The following SMIM7 variants were observed in gnomAD, a reference collection of about 807,000 sequenced individuals.
SMIM7 encodes the protein small integral membrane protein 7.
Under a neutral mutation model 13.3 loss-of-function variants are expected in SMIM7, and 12 were observed. That is an observed-to-expected ratio of 0.90 (90% CI 0.58 to 1.46). The LOEUF (loss-of-function observed/expected upper bound fraction) is 1.46. Ranked by LOEUF, SMIM7 falls within the 40% of genes most tolerant of loss-of-function variation. The probability of loss-of-function intolerance (pLI) is 0.00; values close to 1 mark genes in which losing one functional copy is unlikely to be tolerated. For synonymous variants in SMIM7, 36 were observed against 35.8 expected (o/e 1.01, Z -0.02); for missense variants, 114 against 94.8 (o/e 1.20, Z -0.84).
At chr19:16,645,998 A>G (rs2086445940), downstream of SMIM7, 1 of 152,040 alleles carries the variant, frequency 6.6e-6, no homozygotes, top group South Asian at 2.1e-4. Flanking sequence ...TTATTGAGCT[A>G]AATCCAAAAA....
At chr19:16,657,994 C>T (rs551400267) in intron 3 of SMIM7, among the ~76,000 whole-genome samples, 9 of 152,332 alleles carry the variant, frequency 5.9e-5, no homozygotes, top group East Asian at 3.9e-4. Flanking sequence ...ATGACTGTGC[C>T]GCTGCACTCC....
downstream of SMIM7, among the ~76,000 whole-genome samples, chr19:16,642,472 C>T (rs888351012): frequency 4.6e-5 from 7 of 152,216 alleles, no homozygotes; most frequent in Middle Eastern, 3.4e-3. Flanking sequence ...ATTGCTTGAA[C>T]CTGGGAGGTG....
intron 2 of SMIM7, chr19:16,659,666 A>G (rs1020735614): frequency 1.5e-5 from 10 of 656,466 alleles, no homozygotes; most frequent in Non-Finnish European, 2.4e-5. Context: ...GTGGCCCGAC[A>G]GTGCGGGTGC....
At chr19:16,659,306 AGAAAG>A in intron 3 of SMIM7, 84 bp downstream of exon 3, 1 of 852,150 alleles carries the variant, frequency 1.2e-6, no homozygotes. Context: ...AAAAAAAAAG[AGAAAG>A]AAAGAAAACG....
chr19:16,647,328 C>A lies in SMIM7; in HGVS notation c.213-67G>T, dbSNP rs8103249. On this transcript the variant is annotated intron_variant, in intron 4 of 4. Transcript: ENST00000487416. ...GTGACTGTTCTAAAAATATTGTCAG[C>A]GATTATTTTACATGACTATTACCTA... The A allele has an allele frequency of 1.1e-5, 18 of 1,581,144 alleles. No homozygotes were observed. In the East Asian group the frequency reaches 3.6e-4, roughly 31 times the overall value.
At chr19:16,649,631 T>C (rs900316504) in intron 4 of SMIM7, among the ~76,000 whole-genome samples, 3 of 152,180 alleles carry the variant, frequency 2.0e-5, no homozygotes, top group South Asian at 2.1e-4. Context: ...TTCACTCCTA[T>C]ATAGCTCATA....
In SMIM7 at chr19:16,647,689, C is replaced by T. The variant is rs573577214; in HGVS notation, c.213-428G>A. On this transcript the variant is annotated intron_variant, in intron 4 of 4. Coordinates refer to ENST00000487416, the MANE Select transcript of SMIM7 (RefSeq NM_024104.4). ...TGGGCTGGTTTCGAACTCCTGACCT[C>T]AAGTGATCCACCCGCCTCAGCCTCC... Among the ~76,000 whole-genome samples the T allele has an allele frequency of 5.3e-5, 8 of 152,166 alleles. No individual in the cohort carries two copies. The East Asian group carries it at 1.4e-3, about 26-fold the overall frequency.
In SMIM7 at chr19:16,638,310, T is replaced by C. The variant is rs569356696; in HGVS notation, c.*138-6586A>G. Among the ~76,000 whole-genome samples, 4 of 149,018 alleles carry C rather than the reference T, an allele frequency of 2.7e-5. No individual in the cohort carries two copies. In the East Asian group the frequency reaches 7.8e-4, roughly 29 times the overall value. The stretch of plus-strand genomic sequence containing the variant: ...ACCTCTTTTCTTTTTTCTTTTTTTT[T>C]TTTTTTTTTTGAGACAGAGCTTCAC... On this transcript the variant is annotated intron_variant and NMD_transcript_variant, in intron 4 of 4. Coordinates refer to the SMIM7 transcript ENST00000465250.
intron 3 of SMIM7, among the ~76,000 whole-genome samples, chr19:16,656,862 G>A (rs1265776948): frequency 6.6e-6 from 1 of 151,618 alleles, no homozygotes; most frequent in Non-Finnish European, 1.5e-5. Context: ...TGGTGCCACT[G>A]CACTCCAGCC....
intron 4 of SMIM7, chr19:16,633,830 T>C (rs2086339228): frequency 6.6e-6 from 1 of 152,200 alleles, no homozygotes; most frequent in African/African-American, 2.4e-5. Context: ...TTTATTAAAA[T>C]ATACATACTT....
chr19:16,643,578 G>A (rs2086420700), downstream of SMIM7, among the ~76,000 whole-genome samples: 1 of 152,066 alleles, frequency 6.6e-6, no homozygotes. Flanking sequence ...TGTATGTTTA[G>A]TAGAGATAGG....
chr19:16,638,460 T>A (rs1470465437), intron 4 of SMIM7, among the ~76,000 whole-genome samples: 1 of 151,478 alleles, frequency 6.6e-6, no homozygotes, highest in Non-Finnish European at 1.5e-5. Context: ...CCCGCCACCA[T>A]GCCCGGCTAA....
At chr19:16,640,228 C>T (rs2086395336) in intron 4 of SMIM7, 1 of 152,240 alleles carries the variant, frequency 6.6e-6, no homozygotes, top group African/African-American at 2.4e-5. Flanking sequence ...AGGTACGTGC[C>T]ACCACGCCTG....
chr19:16,655,925 C>A (rs1205209494), intron 3 of SMIM7, among the ~76,000 whole-genome samples: 1 of 152,202 alleles, frequency 6.6e-6, no homozygotes, highest in African/African-American at 2.4e-5. Flanking sequence ...CAGGATTAGT[C>A]ACGTGCAGCA....
intron 4 of SMIM7, chr19:16,638,952 A>G (rs558581452): frequency 2.3e-4 from 35 of 152,308 alleles, no homozygotes; most frequent in Non-Finnish European, 3.7e-4. Flanking sequence ...CTTCTTTCTC[A>G]TGCACACAAT....
chr19:16,655,186 G>C (rs1318168519), intron 3 of SMIM7: 2 of 374,712 alleles, frequency 5.3e-6, no homozygotes, highest in African/African-American at 4.2e-5. Flanking sequence ...GTAACTGAAA[G>C]CATCCTAATT....
chr19:16,643,530 G>A (rs1328794765), downstream of SMIM7, among the ~76,000 whole-genome samples: 1 of 152,126 alleles, frequency 6.6e-6, no homozygotes, highest in African/African-American at 2.4e-5. Context: ...CTGAGTAGCT[G>A]GGACTACAGG....
rs551995968 is a variant in SMIM7 at position 16,650,674 on chromosome 19, C to T, written c.212+3361G>A. On this transcript the variant is annotated intron_variant, in intron 4 of 4. Coordinates refer to ENST00000487416, the MANE Select transcript of SMIM7 (RefSeq NM_024104.4). ...GCAGTGAGCTGAGACTGTGCCACTGCACTCCAGTCTGGGTGACAGAGCAAG... is the reference window on the plus strand; with the variant it reads ...GCAGTGAGCTGAGACTGTGCCACTGTACTCCAGTCTGGGTGACAGAGCAAG... 3.9e-4 allele frequency among the ~76,000 whole-genome samples: 58 copies of T among 149,578 alleles called. 1 individual carries two copies. The highest frequency in any genetic ancestry group is 3.4e-3 in the Middle Eastern group (1 of 290).
At chr19:16,644,266 G>A (rs1483294300), downstream of SMIM7, among the ~76,000 whole-genome samples, 8 of 151,214 alleles carry the variant, frequency 5.3e-5, no homozygotes, top group East Asian at 3.9e-4. Flanking sequence ...GATTACAGGC[G>A]CACGCCACCA....
Sources: gnomAD v4.1 joint callset for allele counts (sites outside exome capture counted in the v4.1 genomes callset) on GRCh38, gnomAD v4.1.1 for gene constraint, MANE v1.5 for transcripts, NCBI Gene and HGNC (gene_info 2026-07-23, HGNC 2026-07-21) for gene names.